The following TRAF3 variants were observed in gnomAD, a reference collection of about 807,000 sequenced individuals.
TRAF3 encodes the protein TNF receptor-associated factor 3.
Under a neutral mutation model 62.3 loss-of-function variants are expected in TRAF3, and 13 were observed. The ratio of observed to expected loss-of-function variants is 0.21; its 90% confidence interval spans 0.14 to 0.33. TRAF3 has a LOEUF of 0.33. TRAF3 is among the 10% of genes least tolerant of loss of function. The pLI is 1.00. For missense variants in TRAF3, 440 were observed against 741.8 expected (o/e 0.59, Z 4.73); for synonymous variants, 269 against 283.4 (o/e 0.95, Z 0.51).
intron 10 of TRAF3, among the ~76,000 whole-genome samples, chr14:102,901,713 G>T (rs1367338538): frequency 1.3e-5 from 2 of 152,224 alleles, no homozygotes; most frequent in African/African-American, 4.8e-5. Flanking sequence ...TTCTTGGAAA[G>T]AACAGGAAGA....
intron 1 of TRAF3, among the ~76,000 whole-genome samples, chr14:102,827,006 G>A (rs1900357694): frequency 6.6e-6 from 1 of 152,206 alleles, no homozygotes; most frequent in African/African-American, 2.4e-5. Flanking sequence ...GCTGCTGTGA[G>A]GGAGGGACGG....
intron 1 of TRAF3, among the ~76,000 whole-genome samples, chr14:102,816,719 C>T (rs528252898): frequency 6.6e-6 from 1 of 152,246 alleles, no homozygotes; most frequent in South Asian, 2.1e-4. Flanking sequence ...TGATTCGATT[C>T]TCTGTTGTTG....
intron 1 of TRAF3, among the ~76,000 whole-genome samples, chr14:102,795,887 T>C (rs1019490430): frequency 6.6e-6 from 1 of 152,054 alleles, no homozygotes; most frequent in Admixed American, 6.5e-5. Flanking sequence ...TTCTAGATGA[T>C]TGTAAGTCAT....
intron 2 of TRAF3, among the ~76,000 whole-genome samples, chr14:102,851,339 A>G (rs979475325): frequency 2.6e-5 from 4 of 152,198 alleles, no homozygotes; most frequent in East Asian, 3.8e-4. Flanking sequence ...CAAATATGCA[A>G]TCTCACTTAT....
At chr14:102,874,418 G>A (rs892763200) in intron 4 of TRAF3, among the ~76,000 whole-genome samples, 7 of 151,986 alleles carry the variant, frequency 4.6e-5, no homozygotes, top group East Asian at 1.9e-4. Flanking sequence ...CACCACACCC[G>A]GTTAATTTTT....
chr14:102,869,665 G>A (rs532557122), intron 2 of TRAF3, among the ~76,000 whole-genome samples: 1 of 152,026 alleles, frequency 6.6e-6, no homozygotes, highest in South Asian at 2.1e-4. Flanking sequence ...AATTAGCCAG[G>A]TGTGGTGGTG....
At chr14:102,872,658 A>G (rs1448565099) in intron 4 of TRAF3, among the ~76,000 whole-genome samples, 1 of 151,270 alleles carries the variant, frequency 6.6e-6, no homozygotes, top group Non-Finnish European at 1.5e-5. Flanking sequence ...GTTTGAAACA[A>G]TTCTTTTCTT....
chr14:102,878,347 GGTGA>G (rs941321112), intron 6 of TRAF3, among the ~76,000 whole-genome samples: 2 of 147,484 alleles, frequency 1.4e-5, no homozygotes, highest in African/African-American at 2.5e-5. Context: ...TGTGAATGTG[GGTGA>G]GTGTGTGGGG....
At chr14:102,857,002 G>C (rs1259497328) in intron 2 of TRAF3, among the ~76,000 whole-genome samples, 3 of 152,278 alleles carry the variant, frequency 2.0e-5, no homozygotes, top group African/African-American at 7.2e-5. Context: ...TACACAAAGA[G>C]TACAACAGCA....
Position 102,853,592 on chromosome 14 carries a change from T to C in TRAF3, c.-17-16593T>C, listed in dbSNP as rs148417604. 1.7e-4 allele frequency among the ~76,000 whole-genome samples: 26 copies of C among 152,210 alleles called. No homozygotes were observed. The East Asian group carries it at 5.0e-3, about 29-fold the overall frequency. ...GCTCATGCCTGTAATCCCAGCACTT[T>C]AGGAGGCCGAGGCGGGCAGATCACC... On this transcript the variant is annotated intron_variant, in intron 2 of 11. Coordinates refer to ENST00000392745, the MANE Select transcript of TRAF3 (RefSeq NM_145725.3).
In TRAF3 at chr14:102,909,288, C is replaced by T. The variant is rs977597004; in HGVS notation, c.*3504C>T. On this transcript the variant is annotated 3_prime_UTR_variant, in exon 12 of 12. Transcript: ENST00000392745. Reference sequence around the variant, plus strand: ...TCTGTCTCCTGAGCGCAAGCCTCGCCGGACCCCTGGGCGAAGGCCTGGACT... The same window carrying T: ...TCTGTCTCCTGAGCGCAAGCCTCGCTGGACCCCTGGGCGAAGGCCTGGACT... The T allele has an allele frequency of 1.6e-4, 25 of 152,298 alleles. No individual in the cohort carries two copies. Among genetic ancestry groups the T allele is most frequent in the African/African-American group, 5.8e-4 (24 of 41,456 alleles). 9.4% of individuals were successfully genotyped at this position (152,298 alleles called of 1,614,324 possible).
At chr14:102,830,216 T>C (rs1900591069) in intron 1 of TRAF3, 118 bp from the exon 2 acceptor site, 1 of 152,210 alleles carries the variant, frequency 6.6e-6, no homozygotes, top group Non-Finnish European at 1.5e-5. Context: ...GATTATAGAA[T>C]TTAAATGTTG....
chr14:102,883,164 T>A (rs1272901915), intron 6 of TRAF3, among the ~76,000 whole-genome samples: 3 of 152,092 alleles, frequency 2.0e-5, no homozygotes, highest in Non-Finnish European at 4.4e-5. Context: ...GCCGCAGAAA[T>A]CTGGAAACAG....
chr14:102,789,203 T>C (rs1897661781), intron 1 of TRAF3, among the ~76,000 whole-genome samples: 1 of 152,216 alleles, frequency 6.6e-6, no homozygotes, highest in South Asian at 2.1e-4. Context: ...TATTTGTTCC[T>C]TTTTATTGCT....
chr14:102,874,906 C>A (rs1295737925), intron 4 of TRAF3, among the ~76,000 whole-genome samples: 1 of 152,168 alleles, frequency 6.6e-6, no homozygotes, highest in Non-Finnish European at 1.5e-5. Context: ...ATCCTCCTGC[C>A]TCGGTTTCCC....
chr14:102,885,530 C>T (rs2139912646), intron 6 of TRAF3, among the ~76,000 whole-genome samples: 1 of 152,310 alleles, frequency 6.6e-6, no homozygotes, highest in South Asian at 2.1e-4. Flanking sequence ...AGCAGGTGCC[C>T]ATGGGATAGG....
At chr14:102,845,107 A>G (rs1886615901) in intron 2 of TRAF3, among the ~76,000 whole-genome samples, 1 of 151,866 alleles carries the variant, frequency 6.6e-6, no homozygotes, top group African/African-American at 2.4e-5. Flanking sequence ...TGTGTTAACT[A>G]GGATGGACTT....
intron 4 of TRAF3, 94 bp from the exon 5 acceptor site, chr14:102,875,530 T>G: frequency 9.4e-7 from 1 of 1,060,068 alleles, no homozygotes; most frequent in South Asian, 1.3e-5. Context: ...CCTCTCTTGT[T>G]TTTTTTTTTT....
intron 2 of TRAF3, among the ~76,000 whole-genome samples, chr14:102,844,870 C>T (rs1304957975): frequency 6.7e-6 from 1 of 150,260 alleles, no homozygotes; most frequent in Non-Finnish European, 1.5e-5. Context: ...GTGAGACTCC[C>T]ACCTCTAAAA....
Sources: gnomAD v4.1 joint callset for allele counts (sites outside exome capture counted in the v4.1 genomes callset) on GRCh38, gnomAD v4.1.1 for gene constraint, MANE v1.5 for transcripts, NCBI Gene and HGNC (gene_info 2026-07-23, HGNC 2026-07-21) for gene names.